SERGEF: variants seen among roughly 807,000 people sequenced by gnomAD.
SERGEF encodes secretion-regulating guanine nucleotide exchange factor.
SERGEF carries 51 observed loss-of-function variants against 50.0 expected under a neutral mutation model. The ratio of observed to expected loss-of-function variants is 1.02; its 90% CI spans 0.81 to 1.29. The LOEUF (loss-of-function observed/expected upper bound fraction) is 1.29, where lower values mean the gene tolerates loss of function less well. SERGEF is among the 50% of genes most tolerant of loss of function. The pLI is 0.00. For synonymous variants in SERGEF, 205 were observed against 212.4 expected (o/e 0.97, Z 0.30); for missense variants, 521 against 557.0 (o/e 0.94, Z 0.65).
At chr11:17,882,861 G>A (rs1297506043) in intron 9 of SERGEF, among the ~76,000 whole-genome samples, 1 of 152,132 alleles carries the variant, frequency 6.6e-6, no homozygotes, top group East Asian at 1.9e-4. Flanking sequence ...GGGTTCTTCT[G>A]GCAACTCCAG....
intron 9 of SERGEF, among the ~76,000 whole-genome samples, chr11:17,921,284 T>G (rs739916): frequency 0.36 from 54,060 of 152,056 alleles, 10,200 homozygotes; most frequent in East Asian, 0.49. Flanking sequence ...AAGCAGGTCA[T>G]TTATGATGAG....
intron 8 of SERGEF, among the ~76,000 whole-genome samples, chr11:17,960,872 G>A (rs1056750463): frequency 1.2e-4 from 19 of 152,134 alleles, no homozygotes; most frequent in African/African-American, 4.6e-4. Context: ...GGGTATTTGG[G>A]GTACCTCGTA....
At chr11:17,810,958 G>A (rs1259494521) in intron 10 of SERGEF, among the ~76,000 whole-genome samples, 1 of 152,234 alleles carries the variant, frequency 6.6e-6, no homozygotes, top group Non-Finnish European at 1.5e-5. Context: ...TCTGCATCCA[G>A]TATCAGTGTT....
rs1341936663 is a variant in SERGEF, at chr11:17,961,088, C to G, written c.845-1452G>C. Among the ~76,000 whole-genome samples the G allele has an allele frequency of 2.6e-5, 4 of 152,152 alleles. No homozygotes were observed. In the South Asian group the frequency reaches 6.2e-4, roughly 24 times the overall value. On this transcript the variant is annotated intron_variant, in intron 8 of 10. Transcript: ENST00000265965. Reference sequence around the variant, plus strand: ...GGGTGAAAGTCACCCTCCTGTGAGCCACCTTTATCATTGTACTCATCCACT... The same window carrying G: ...GGGTGAAAGTCACCCTCCTGTGAGCGACCTTTATCATTGTACTCATCCACT...
chr11:17,972,179 C>T (rs534147102), intron 8 of SERGEF, among the ~76,000 whole-genome samples: 2 of 152,284 alleles, frequency 1.3e-5, no homozygotes, highest in Admixed American at 6.5e-5. Flanking sequence ...CTAACAAAAG[C>T]GATTTTATAA....
At chr11:17,853,454 C>T (rs1327872706) in intron 10 of SERGEF, 3 of 152,180 alleles carry the variant, frequency 2.0e-5, no homozygotes, top group African/African-American at 7.2e-5. Context: ...TGCTTCTTCC[C>T]AGGCAATGTG....
At chr11:17,836,651 T>C (rs1276620457) in intron 10 of SERGEF, among the ~76,000 whole-genome samples, 3 of 152,374 alleles carry the variant, frequency 2.0e-5, no homozygotes, top group African/African-American at 7.2e-5. Flanking sequence ...TCTTGTTTTC[T>C]GTTTCTTGAA....
At chr11:17,826,941 A>AAGGATCAGGTTACCAGCCC (rs11267356) in intron 10 of SERGEF, among the ~76,000 whole-genome samples, 2 of 152,134 alleles carry the variant, frequency 1.3e-5, no homozygotes, top group Non-Finnish European at 2.9e-5. Context: ...CCTTGCTTAT[A>AAGGATCAGGTTACCAGCCC]AGGATCACAC....
At chr11:17,819,149 G>T (rs1850030493) in intron 10 of SERGEF, among the ~76,000 whole-genome samples, 1 of 152,216 alleles carries the variant, frequency 6.6e-6, no homozygotes, top group African/African-American at 2.4e-5. Flanking sequence ...TAATATCAAA[G>T]AATTTCAGGA....
intron 8 of SERGEF, among the ~76,000 whole-genome samples, chr11:17,985,245 T>TA (rs1465973946): frequency 4.6e-5 from 7 of 152,222 alleles, no homozygotes; most frequent in Non-Finnish European, 1.0e-4. Context: ...AGCCATCACT[T>TA]ATGTATGCAT....
At chr11:17,992,902 T>A (rs1853748310) in intron 7 of SERGEF, 29 bp downstream of exon 7, 1 of 1,594,414 alleles carries the variant, frequency 6.3e-7, no homozygotes, top group Non-Finnish European at 8.6e-7. Flanking sequence ...CTGAATGGCA[T>A]GTTAAACCGT....
Position 18,006,522 on chromosome 11 carries a change from T to C in SERGEF, c.352+69A>G. On this transcript the variant is annotated intron_variant, in intron 3 of 10. Coordinates refer to ENST00000265965, the MANE Select transcript of SERGEF (RefSeq NM_012139.4). ...AAAGAGGCTTTCATTTAATCTGCAG[T>C]CACCATCATCATACTGTTCTCACCC... is the stretch of plus-strand genomic sequence containing the variant. 2.1e-6 allele frequency: 3 copies of C among 1,421,588 alleles called. No homozygotes were observed. The South Asian group carries it at 3.9e-5, about 18-fold the overall frequency. 88.1% of individuals were successfully genotyped at this position (1,421,588 alleles called of 1,614,324 possible). A position where few individuals can be genotyped will look rare whatever the true frequency, so the allele number is the denominator to read the frequency against.
chr11:17,845,077 G>C (rs959497678), intron 10 of SERGEF, among the ~76,000 whole-genome samples: 12 of 152,156 alleles, frequency 7.9e-5, no homozygotes. Context: ...CCCTTCTATA[G>C]GTCCTCTGAG....
intron 10 of SERGEF, among the ~76,000 whole-genome samples, chr11:17,833,540 G>A (rs1850349935): frequency 6.6e-6 from 1 of 152,176 alleles, no homozygotes; most frequent in African/African-American, 2.4e-5. Context: ...CCATCCTCCA[G>A]AACCCAGAAT....
intron 9 of SERGEF, among the ~76,000 whole-genome samples, chr11:17,951,284 A>G (rs1852769296): frequency 6.6e-6 from 1 of 152,196 alleles, no homozygotes; most frequent in African/African-American, 2.4e-5. Flanking sequence ...GCCCTTATAT[A>G]TACTATCTGC....
rs910433084 is a variant in SERGEF at position 17,982,046 on chromosome 11, C to A, written c.844+6551G>T. 6.6e-5 allele frequency among the ~76,000 whole-genome samples: 10 copies of A among 152,132 alleles called. No homozygotes were observed. In the South Asian group the frequency reaches 1.2e-3, roughly 19 times the overall value. Reference sequence around the variant, plus strand: ...TCTCAAACTCCTGGGCTCAAGAGATCCACCTGCCTCAGCCTCCCAAAGTGT... The same window carrying A: ...TCTCAAACTCCTGGGCTCAAGAGATACACCTGCCTCAGCCTCCCAAAGTGT... On this transcript the variant is annotated intron_variant, in intron 8 of 10. Transcript: ENST00000265965.
intron 10 of SERGEF, among the ~76,000 whole-genome samples, chr11:17,798,775 T>C (rs1849611146): frequency 6.6e-6 from 1 of 152,226 alleles, no homozygotes; most frequent in Non-Finnish European, 1.5e-5. Context: ...CTTGAGGGCC[T>C]ACTATGATCA....
rs59428595 is a variant in SERGEF at position 17,932,057 on chromosome 11, G to GA, written c.1011+27412dup. Among the ~76,000 whole-genome samples, 724 of 150,920 alleles carry GA rather than the reference G, an allele frequency of 4.8e-3. 3 individuals carry two copies. Among genetic ancestry groups the GA allele is most frequent in the African/African-American group, 0.011 (466 of 40,864 alleles). On this transcript the variant is annotated intron_variant, in intron 9 of 10. Transcript: ENST00000265965. ...ATGTATCTTAAATATTGGTGTTTTG[G>GA]AAAAAAAAACAGCTTTGTCAGAGAA... is the stretch of plus-strand genomic sequence containing the variant.
chr11:17,821,957 T>C (rs1002961915), intron 10 of SERGEF, among the ~76,000 whole-genome samples: 1 of 152,066 alleles, frequency 6.6e-6, no homozygotes, highest in African/African-American at 2.4e-5. Context: ...AAAAAAGGGG[T>C]AAATCTTACC....
Sources: gnomAD v4.1 joint callset for allele counts (sites outside exome capture counted in the v4.1 genomes callset) on GRCh38, gnomAD v4.1.1 for gene constraint, MANE v1.5 for transcripts, NCBI Gene and HGNC (gene_info 2026-07-23, HGNC 2026-07-21) for gene names.